Variants in TULP4 observed in about 807,000 individuals in gnomAD.
The protein encoded by TULP4 is TUB like protein 4.
A neutral mutation model predicts 129.0 loss-of-function variants in TULP4; 16 were observed. The observed-to-expected ratio is 0.12, with a 90% CI of 0.08 to 0.19. The LOEUF is 0.19. Among genes scored for constraint, TULP4 ranks in the 10% least tolerant of loss-of-function variants. The probability of loss-of-function intolerance (pLI) is 1.00; values close to 1 mark genes in which losing one functional copy is unlikely to be tolerated. For missense variants in TULP4, 1,842 were observed against 2,059.1 expected (o/e 0.89, Z 2.04); for synonymous variants, 998 against 854.0 (o/e 1.17, Z -2.94).
At chr6:158,368,124 G>A (rs1172827589) in intron 1 of TULP4, among the ~76,000 whole-genome samples, 1 of 148,758 alleles carries the variant, frequency 6.7e-6, no homozygotes, top group Non-Finnish European at 1.5e-5. Context: ...AGTTGTACGT[G>A]GACATTTGAG....
In TULP4 at chr6:158,508,406, C is replaced by T. The variant is rs1462443554; in HGVS notation, c.*1712C>T. On this transcript the variant is annotated 3_prime_UTR_variant, in exon 14 of 14. Transcript: ENST00000367097. Reference sequence around the variant, plus strand: ...AAAAGAAACCGACCCATTTTTTTCCCAGATCAAGATGACATGACATCACTC... The same window carrying T: ...AAAAGAAACCGACCCATTTTTTTCCTAGATCAAGATGACATGACATCACTC... 1 of 152,000 alleles carries T rather than the reference C, an allele frequency of 6.6e-6. No homozygotes were observed. The highest frequency in any genetic ancestry group is 6.6e-5 in the Admixed American group (1 of 15,266). The allele number at this position is 152,000 out of a possible 1,614,324, so 9.4% of individuals were successfully genotyped here.
intron 1 of TULP4, among the ~76,000 whole-genome samples, chr6:158,336,091 AC>A (rs1351087449): frequency 1.3e-5 from 2 of 152,228 alleles, no homozygotes; most frequent in Admixed American, 1.3e-4. Context: ...CCACAGCTTC[AC>A]CCATAGTATA....
At chr6:158,467,349 C>T (rs867028361) in intron 6 of TULP4, among the ~76,000 whole-genome samples, 10 of 150,098 alleles carry the variant, frequency 6.7e-5, no homozygotes, top group Admixed American at 4.7e-4. Flanking sequence ...TTGCGATCAG[C>T]GTTCACTGCA....
chr6:158,442,373 G>A (rs560886140), intron 3 of TULP4, among the ~76,000 whole-genome samples: 28 of 152,248 alleles, frequency 1.8e-4, no homozygotes, highest in Middle Eastern at 3.4e-3. Context: ...GCAGAATGAT[G>A]AACCTTACTA....
chr6:158,241,110 G>A (rs1407967195), intron 1 of TULP4, among the ~76,000 whole-genome samples: 5 of 138,936 alleles, frequency 3.6e-5, no homozygotes, highest in Admixed American at 2.2e-4. Context: ...TCCCAGAGGG[G>A]GCGGCGGGGC....
chr6:158,290,284 G>A (rs186190819), intron 1 of TULP4, among the ~76,000 whole-genome samples: 7 of 152,322 alleles, frequency 4.6e-5, no homozygotes, highest in Admixed American at 4.6e-4. Context: ...TGATAGTGAT[G>A]TGGAGCACTT....
At chr6:158,278,279 A>G (rs1367877099), upstream of TULP4, among the ~76,000 whole-genome samples, 3 of 152,180 alleles carry the variant, frequency 2.0e-5, no homozygotes, top group Non-Finnish European at 4.4e-5. Flanking sequence ...AGCTGTATTG[A>G]CAATACAGCT....
Position 158,463,295 on chromosome 6 carries a change from A to G in TULP4, c.1026+1566A>G, listed in dbSNP as rs145956068. Among the ~76,000 whole-genome samples, 536 of 152,328 alleles carry G rather than the reference A, an allele frequency of 3.5e-3. 2 individuals carry two copies. The highest frequency in any genetic ancestry group is 0.012 in the African/African-American group (486 of 41,566). On this transcript the variant is annotated intron_variant, in intron 6 of 13. Coordinates refer to ENST00000367097, the MANE Select transcript of TULP4 (RefSeq NM_020245.5). ...AAAGCTTAAAAGTCTTTAAGAAAGT[A>G]TACACAGATGGGCCCCCTTTCTATT...
At chr6:158,348,094 T>C (rs947762794) in intron 1 of TULP4, among the ~76,000 whole-genome samples, 3 of 151,578 alleles carry the variant, frequency 2.0e-5, no homozygotes, top group African/African-American at 7.3e-5. Context: ...TTAAACAACG[T>C]AAACCTTAAT....
At chr6:158,363,216 T>C (rs1780841218) in intron 1 of TULP4, among the ~76,000 whole-genome samples, 2 of 152,170 alleles carry the variant, frequency 1.3e-5, no homozygotes, top group African/African-American at 4.8e-5. Flanking sequence ...GTGTACAGTG[T>C]TACAATAATT....
intron 1 of TULP4, among the ~76,000 whole-genome samples, chr6:158,364,581 T>C (rs1235472048): frequency 6.6e-6 from 1 of 152,222 alleles, no homozygotes; most frequent in Admixed American, 6.5e-5. Flanking sequence ...TATGATGTTA[T>C]TGCCTTCTGT....
chr6:158,448,511 C>A (rs1779101368), intron 3 of TULP4, among the ~76,000 whole-genome samples: 1 of 152,160 alleles, frequency 6.6e-6, no homozygotes, highest in Non-Finnish European at 1.5e-5. Context: ...GGAGCATCTT[C>A]TTTTCCAAAT....
At chr6:158,505,592 G>C (rs145148550) in intron 13 of TULP4, among the ~76,000 whole-genome samples, 1 of 152,240 alleles carries the variant, frequency 6.6e-6, no homozygotes, top group Non-Finnish European at 1.5e-5. Flanking sequence ...GAGCCCCGCC[G>C]CTGTGGAACA....
chr6:158,481,677 G>A (rs1779949346), intron 8 of TULP4: 1 of 214,038 alleles, frequency 4.7e-6, no homozygotes, highest in South Asian at 9.4e-5. Context: ...CTCCCAGAGT[G>A]GATGATAAAA....
At chr6:158,368,356 G>A (rs548456904) in intron 1 of TULP4, among the ~76,000 whole-genome samples, 168 of 152,200 alleles carry the variant, frequency 1.1e-3, no homozygotes, top group African/African-American at 3.5e-3. Flanking sequence ...AGGCTGGAGT[G>A]CAGTGGCGTG....
chr6:158,289,401 T>A lies in TULP4; in HGVS notation n.116+7023T>A, dbSNP rs1254650993. ...CTAATTTTTTTTTCTTTTTATTTATTTAATTTCTGTTTTTACTATCTTCTT... is the reference window on the plus strand; with the variant it reads ...CTAATTTTTTTTTCTTTTTATTTATATAATTTCTGTTTTTACTATCTTCTT... On this transcript the variant is annotated intron_variant and non_coding_transcript_variant, in intron 1 of 1. Coordinates refer to the TULP4 transcript ENST00000432358. Among the ~76,000 whole-genome samples, 4 of 152,072 alleles carry A rather than the reference T, an allele frequency of 2.6e-5. No individual in the cohort carries two copies. The East Asian group carries it at 7.7e-4, about 29-fold the overall frequency.
At chr6:158,270,068 A>C (rs1351166605) in intron 1 of TULP4, among the ~76,000 whole-genome samples, 1 of 152,262 alleles carries the variant, frequency 6.6e-6, no homozygotes, top group East Asian at 1.9e-4. Flanking sequence ...TATCTATTAA[A>C]TATACGTTAA....
intron 1 of TULP4, among the ~76,000 whole-genome samples, chr6:158,244,077 G>A (rs1326682263): frequency 6.6e-6 from 1 of 152,144 alleles, no homozygotes; most frequent in African/African-American, 2.4e-5. Flanking sequence ...GCCTATTTTA[G>A]CATACGTGGT....
At chr6:158,505,588 C>T (rs964948728) in intron 13 of TULP4, among the ~76,000 whole-genome samples, 9 of 152,234 alleles carry the variant, frequency 5.9e-5, no homozygotes, top group South Asian at 2.1e-4. Context: ...GACAGAGCCC[C>T]GCCGCTGTGG....
Sources: allele counts gnomAD v4.1 joint callset (sites outside exome capture counted in the v4.1 genomes callset), GRCh38; gene constraint gnomAD v4.1.1; transcripts MANE v1.5; gene names NCBI Gene and HGNC (gene_info 2026-07-23, HGNC 2026-07-21).